The following CCDC180 variants were observed in gnomAD, a reference collection of about 807,000 sequenced individuals.
CCDC180 encodes the protein coiled-coil domain-containing protein 180.
Under a neutral mutation model 209.2 loss-of-function variants are expected in CCDC180, and 154 were observed. The observed-to-expected ratio is 0.74, with a 90% confidence interval of 0.65 to 0.84. CCDC180 has a LOEUF of 0.84. CCDC180 is among the 40% of genes least tolerant of loss of function. The probability of loss-of-function intolerance (pLI) is 0.00; values close to 1 mark genes in which losing one functional copy is unlikely to be tolerated. For missense variants in CCDC180, 1,874 were observed against 1,997.3 expected, an observed-to-expected ratio of 0.94 and a Z score of 1.18; for synonymous variants, 778 against 749.1, an observed-to-expected ratio of 1.04 and a Z score of -0.63.
At chr9:97,348,267 A>G (rs1429036928) in intron 20 of CCDC180, among the ~76,000 whole-genome samples, 1 of 152,206 alleles carries the variant, frequency 6.6e-6, no homozygotes, top group Non-Finnish European at 1.5e-5. Context: ...GAGCAGGGAA[A>G]GAGTTGTGCA....
At chr9:97,375,349 T>C (rs1827222112) in intron 35 of CCDC180, 105 bp from the exon 36 acceptor site, 2 of 1,425,384 alleles carry the variant, frequency 1.4e-6, no homozygotes, top group Non-Finnish European at 1.9e-6. Flanking sequence ...TTTAAAGCCA[T>C]GATAATTTTT....
In CCDC180 at chr9:97,366,375, G is replaced by C. The variant is rs1179617487; in HGVS notation, c.4048-184G>C. 1.3e-5 allele frequency among the ~76,000 whole-genome samples: 2 copies of C among 152,190 alleles called. No individual in the cohort carries two copies. Among genetic ancestry groups the C allele is most frequent in the East Asian group, 1.9e-4 (1 of 5,190 alleles). ...GCTGGCCATGGCTCCACTCACTCCAGGTGGGCCCAGGGAGGCGACACGGGC... is the reference window on the plus strand; with the variant it reads ...GCTGGCCATGGCTCCACTCACTCCACGTGGGCCCAGGGAGGCGACACGGGC... On this transcript the variant is annotated intron_variant, in intron 30 of 36. Coordinates refer to ENST00000529487, the MANE Select transcript of CCDC180 (RefSeq NM_020893.6). The surrounding 1 kb of genome is among the most constrained non-coding windows in gnomAD (Gnocchi z 4.3).
chr9:97,347,292 C>A (rs1309825199), intron 19 of CCDC180, 22 bp from the exon 20 acceptor site: 36 of 1,533,858 alleles, frequency 2.3e-5, no homozygotes, highest in Non-Finnish European at 3.1e-5. Flanking sequence ...GCAGGGCTGA[C>A]CCTGGCTGGT....
At chr9:97,351,335 G>GT in intron 22 of CCDC180, among the ~76,000 whole-genome samples, 1 of 152,158 alleles carries the variant, frequency 6.6e-6, no homozygotes, top group South Asian at 2.1e-4. Context: ...GGTGTTTTTT[G>GT]TTTTTTATAA....
At chr9:97,324,194 C>T (rs1030150413) in intron 13 of CCDC180, among the ~76,000 whole-genome samples, 2 of 152,140 alleles carry the variant, frequency 1.3e-5, no homozygotes, top group South Asian at 2.1e-4. Flanking sequence ...ACAATAAGCC[C>T]CCAGCCCAAG....
chr9:97,335,627 G>A (rs1003694693), intron 18 of CCDC180, among the ~76,000 whole-genome samples: 8 of 152,114 alleles, frequency 5.3e-5, no homozygotes, highest in Admixed American at 2.0e-4. Context: ...GAATAGTGCC[G>A]CAATAAACGT....
At chr9:97,328,893 G>A (rs1045500200) in intron 16 of CCDC180, among the ~76,000 whole-genome samples, 1 of 152,164 alleles carries the variant, frequency 6.6e-6, no homozygotes, top group African/African-American at 2.4e-5. Context: ...ATTGTCATTA[G>A]CACAAGGGTC....
chr9:97,370,207 A>T, intron 32 of CCDC180, 125 bp downstream of exon 32: 1 of 1,065,602 alleles, frequency 9.4e-7, no homozygotes, highest in Non-Finnish European at 1.3e-6. Context: ...GGATTTTTGG[A>T]TGGGGGCTGA....
In CCDC180 at chr9:97,330,374, A is replaced by G; in HGVS notation, c.1881A>G (p.Gln627=). ...GAGTGAAAAAACTGAGGAAGAAGCA[A>G]GGGTCTAAAGAGGACATGACCAGAA... ...QKRVKKLRKK[Q]GSKEDMTRSE... is the part of the protein sequence containing the mutation. The change falls in exon 18 of 37, where the codon CAA becomes CAG. Residue 627 remains glutamine (Q), a synonymous_variant. Coordinates refer to ENST00000529487, the MANE Select transcript of CCDC180 (RefSeq NM_020893.6). 1 of 1,614,174 alleles carries G rather than the reference A, an allele frequency of 6.2e-7. No individual in the cohort carries two copies. Among genetic ancestry groups the G allele is most frequent in the Non-Finnish European group, 8.5e-7 (1 of 1,180,020 alleles).
chr9:97,324,986 C>T, intron 13 of CCDC180, 33 bp from the exon 14 acceptor site: 2 of 1,600,838 alleles, frequency 1.2e-6, no homozygotes, highest in African/African-American at 1.3e-5. Flanking sequence ...ACTGTCAGCC[C>T]TTAAGTCCCT....
intron 18 of CCDC180, among the ~76,000 whole-genome samples, chr9:97,340,729 C>T (rs992279331): frequency 5.9e-4 from 90 of 152,282 alleles, no homozygotes; most frequent in Non-Finnish European, 1.2e-3. Flanking sequence ...TGTTGCCAGG[C>T]GGACCATGGT....
chr9:97,352,909 T>G (rs1826460149), intron 22 of CCDC180, among the ~76,000 whole-genome samples: 1 of 151,442 alleles, frequency 6.6e-6, no homozygotes, highest in African/African-American at 2.4e-5. Flanking sequence ...TTTTAATTAT[T>G]ATAGTTTCCA....
At chr9:97,323,694 G>C (rs528560983) in intron 12 of CCDC180, 87 bp from the exon 13 acceptor site, 11 of 1,435,918 alleles carry the variant, frequency 7.7e-6, no homozygotes, top group African/African-American at 1.4e-5. Flanking sequence ...GGTCTGACTT[G>C]TGCAACGCTG....
intron 15 of CCDC180, among the ~76,000 whole-genome samples, chr9:97,326,909 A>C (rs1166859790): frequency 2.0e-5 from 3 of 152,220 alleles, no homozygotes; most frequent in Non-Finnish European, 2.9e-5. Flanking sequence ...GTTCAAGAAC[A>C]TGGGGCCTTC....
rs3747504 is a variant in CCDC180 at position 97,312,164 on chromosome 9, C to T, written c.312C>T (p.Ile104=). The part of the protein sequence containing the change: ...REKARESENT[I]AAREVRGLMD... Reference sequence around the variant, plus strand: ...AAGCCCGAGAGAGTGAGAACACCATCGCTGCCCGAGAAGTGCGGGGTCTCA... The same window carrying T: ...AAGCCCGAGAGAGTGAGAACACCATTGCTGCCCGAGAAGTGCGGGGTCTCA... Residue 104 remains isoleucine, a synonymous_variant, in exon 4 of 37, where the codon ATC becomes ATT. Coordinates refer to ENST00000529487, the MANE Select transcript of CCDC180 (RefSeq NM_020893.6). 338,079 of 1,613,146 alleles carry T rather than the reference C, an allele frequency of 0.21. 38,249 individuals are homozygous for T. The highest frequency in any genetic ancestry group is 0.39 in the Admixed American group (23,156 of 59,976).
chr9:97,376,482 G>A (rs868234398), intron 36 of CCDC180: 1 of 310,968 alleles, frequency 3.2e-6, no homozygotes, highest in South Asian at 3.5e-5. Context: ...TCAGGAAGGA[G>A]TGCTGAGCCT....
chr9:97,346,702 G>A (rs753178721), intron 19 of CCDC180, among the ~76,000 whole-genome samples: 13 of 152,156 alleles, frequency 8.5e-5, no homozygotes, highest in Non-Finnish European at 1.9e-4. Flanking sequence ...AACCTCCTGA[G>A]TAGATGGGAC....
chr9:97,348,436 T>C (rs986821931), intron 20 of CCDC180, among the ~76,000 whole-genome samples: 1 of 152,168 alleles, frequency 6.6e-6, no homozygotes, highest in African/African-American at 2.4e-5. Flanking sequence ...GAAGGCTGGC[T>C]CCATTTCCTT....
intron 1 of CCDC180, 32 bp downstream of exon 1, chr9:97,307,838 C>G: frequency 6.2e-7 from 1 of 1,613,370 alleles, no homozygotes; most frequent in African/African-American, 1.3e-5. Flanking sequence ...AAAGTTAAAA[C>G]CCTAAGTCGA....
Sources: gnomAD v4.1 joint callset for allele counts (sites outside exome capture counted in the v4.1 genomes callset) on GRCh38, gnomAD v4.1.1 for gene constraint, Gnocchi (gnomAD v3.1) non-coding constraint, MANE v1.5 for transcripts, NCBI Gene and HGNC (gene_info 2026-07-23, HGNC 2026-07-21) for gene names.